THSD4: variants seen among roughly 807,000 people sequenced by gnomAD.
The protein encoded by THSD4 is thrombospondin type-1 domain-containing protein 4.
THSD4 carries 69 observed loss-of-function variants against 119.0 expected under a neutral mutation model. That is an observed-to-expected ratio of 0.58 (90% CI 0.48 to 0.71). The LOEUF (loss-of-function observed/expected upper bound fraction) is 0.71. THSD4 is among the 30% of genes least tolerant of loss of function. The pLI, the probability that THSD4 is intolerant of heterozygous loss-of-function variation, is 0.00. For synonymous variants in THSD4, 524 were observed against 540.4 expected, an observed-to-expected ratio of 0.97 and a Z score of 0.42; for missense variants, 1,393 against 1,391.1, an observed-to-expected ratio of 1.00 and a Z score of -0.02.
In THSD4 at chr15:71,215,394, C is replaced by G; in HGVS notation, c.459C>G (p.Asp153Glu). 1 of 1,528,634 alleles carries G rather than the reference C, an allele frequency of 6.5e-7. No individual in the cohort carries two copies. Among genetic ancestry groups the G allele is most frequent in the Non-Finnish European group, 8.7e-7 (1 of 1,143,366 alleles). The allele number at this position is 1,528,634 out of a possible 1,614,324, so 94.7% of individuals were successfully genotyped here. ...CCCAGGGCCTCGAAGTCACTGGGGACAGAAGGTACACGCCCGCCCTTGTCT... is the reference window on the plus strand; with the variant it reads ...CCCAGGGCCTCGAAGTCACTGGGGAGAGAAGGTACACGCCCGCCCTTGTCT... ...PQPQGLEVTG[D>E]RRSRTRGTIG... The change falls in exon 4 of 18, where the codon GAC (aspartate) becomes GAG (glutamate). Residue 153 changes from aspartate (D) to glutamate (E), a missense_variant. By Grantham distance (45) the Asp-to-Glu change is conservative. Transcript: ENST00000261862.
In THSD4 at chr15:71,737,852, A is replaced by G. The variant is rs768973944; in HGVS notation, c.1751A>G (p.Glu584Gly). ...RGEAPEMFTS[E>G]SAQTFPVRHP... is the part of the protein sequence containing the mutation. ...GAGGCCCCTGAGATGTTCACCTCAG[A>G]ATCGGCACAGACCTTCCCAGTCAGG... The change falls in exon 11 of 18, where the codon GAA (glutamate) becomes GGA (glycine). Residue 584 changes from glutamate (E) to glycine (G), a missense_variant. Transcript: ENST00000261862. The G allele has an allele frequency of 1.9e-6, 3 of 1,614,254 alleles. No individual in the cohort carries two copies. In the South Asian group the frequency reaches 3.3e-5, roughly 18 times the overall value.
chr15:71,715,028 G>C (rs2052580711), intron 8 of THSD4, among the ~76,000 whole-genome samples: 1 of 152,154 alleles, frequency 6.6e-6, no homozygotes, highest in Non-Finnish European at 1.5e-5. Context: ...AGAGACATAA[G>C]TGGGTCAGTC....
chr15:71,516,602 C>G (rs1179773386), intron 7 of THSD4, among the ~76,000 whole-genome samples: 1 of 152,122 alleles, frequency 6.6e-6, no homozygotes, highest in Non-Finnish European at 1.5e-5. Context: ...TTATTTTCAA[C>G]TTTTATTTTA....
At chr15:71,579,068 C>T (rs552337694) in intron 7 of THSD4, among the ~76,000 whole-genome samples, 2 of 152,082 alleles carry the variant, frequency 1.3e-5, no homozygotes, top group South Asian at 4.2e-4. Context: ...TAGTCTCGAT[C>T]TCCTGACCTC....
At chr15:71,339,501 C>T (rs1425842069) in intron 6 of THSD4, among the ~76,000 whole-genome samples, 2 of 152,072 alleles carry the variant, frequency 1.3e-5, no homozygotes, top group African/African-American at 2.4e-5. Context: ...AACAATATAA[C>T]CTCATTAAAA....
In THSD4 at chr15:71,216,442, C is replaced by T. The variant is rs141188434; in HGVS notation, c.464+1043C>T. Among the ~76,000 whole-genome samples, 9 of 152,336 alleles carry T rather than the reference C, an allele frequency of 5.9e-5. No homozygotes were observed. In the East Asian group the frequency reaches 1.2e-3, roughly 20 times the overall value. On this transcript the variant is annotated intron_variant, in intron 4 of 17. Transcript: ENST00000261862. ...AGTGATGGAAGCTGTCACTGCCAGC[C>T]GCCTGAAGGTGGAAAGGAGATGCGA...
chr15:71,199,748 G>GT (rs2043770549), intron 3 of THSD4, among the ~76,000 whole-genome samples: 2 of 121,504 alleles, frequency 1.6e-5, no homozygotes, highest in African/African-American at 7.5e-5. Flanking sequence ...AGTGTGTGTG[G>GT]GTGTGTGTGA....
At chr15:71,197,690 C>A (rs899306480) in intron 3 of THSD4, among the ~76,000 whole-genome samples, 3 of 152,066 alleles carry the variant, frequency 2.0e-5, no homozygotes, top group African/African-American at 7.2e-5. Context: ...TGTGGATTGG[C>A]CTTTGTTCTC....
intron 2 of THSD4, among the ~76,000 whole-genome samples, chr15:71,142,008 C>T (rs996030007): frequency 6.6e-5 from 10 of 152,048 alleles, no homozygotes; most frequent in African/African-American, 9.7e-5. Flanking sequence ...GAGGCTGAGG[C>T]GGGAGAATCA....
At chr15:71,474,225 TA>T (rs1036478376) in intron 7 of THSD4, among the ~76,000 whole-genome samples, 13 of 136,044 alleles carry the variant, frequency 9.6e-5, no homozygotes, top group Admixed American at 1.6e-4. Flanking sequence ...TATTTTATTT[TA>T]TTTTTTTTTT....
rs954232782 is a variant in THSD4, at chr15:71,469,413, A to G, written c.1152+57590A>G. Among the ~76,000 whole-genome samples, 6 of 152,288 alleles carry G rather than the reference A, an allele frequency of 3.9e-5. No individual in the cohort carries two copies. The South Asian group carries it at 1.2e-3, about 32-fold the overall frequency. The stretch of plus-strand genomic sequence containing the variant: ...CTCAGAATGCAGCTGCAGGTTCACA[A>G]GTCAGCAACCCATGGAGAACAGTGA... On this transcript the variant is annotated intron_variant, in intron 7 of 17. Coordinates refer to ENST00000261862, the MANE Select transcript of THSD4 (RefSeq NM_024817.3).
intron 3 of THSD4, chr15:71,185,743 C>T (rs891240466): frequency 2.6e-5 from 4 of 152,124 alleles, no homozygotes; most frequent in East Asian, 1.9e-4. Flanking sequence ...TGGATTTATT[C>T]GTTGATTCAG....
At chr15:71,614,399 A>T (rs1465966982) in intron 7 of THSD4, among the ~76,000 whole-genome samples, 1 of 152,108 alleles carries the variant, frequency 6.6e-6, no homozygotes, top group Non-Finnish European at 1.5e-5. Context: ...GACTGAGAGG[A>T]TGCTAAGTTT....
chr15:71,411,137 G>A (rs762483377), intron 6 of THSD4, among the ~76,000 whole-genome samples: 3 of 152,120 alleles, frequency 2.0e-5, no homozygotes, highest in Admixed American at 6.5e-5. Context: ...TTGCACCAAC[G>A]TAATTAATTA....
chr15:71,215,917 T>C (rs1347641100), intron 4 of THSD4, among the ~76,000 whole-genome samples: 1 of 152,234 alleles, frequency 6.6e-6, no homozygotes, highest in Non-Finnish European at 1.5e-5. Flanking sequence ...CCGAAGTTTT[T>C]TGAGTCAACA....
chr15:71,381,837 A>G (rs2046233081), intron 6 of THSD4, among the ~76,000 whole-genome samples: 1 of 152,190 alleles, frequency 6.6e-6, no homozygotes, highest in African/African-American at 2.4e-5. Flanking sequence ...TTTAAATGTT[A>G]AACATTATTT....
chr15:71,343,271 G>T (rs1391790744), intron 6 of THSD4, among the ~76,000 whole-genome samples: 3 of 152,178 alleles, frequency 2.0e-5, no homozygotes, highest in Non-Finnish European at 2.9e-5. Flanking sequence ...AGAGATAGAT[G>T]GATATGTTAG....
chr15:71,319,171 C>T (rs1271900111), intron 6 of THSD4, among the ~76,000 whole-genome samples: 1 of 152,076 alleles, frequency 6.6e-6, no homozygotes, highest in Non-Finnish European at 1.5e-5. Context: ...GACTGAGCAC[C>T]TTAGGACACT....
Position 71,248,521 on chromosome 15 carries a change from C to T in THSD4, c.912+5425C>T, listed in dbSNP as rs149232820. Among the ~76,000 whole-genome samples, 269 of 152,188 alleles carry T rather than the reference C, an allele frequency of 1.8e-3. 3 individuals are homozygous for T. Among genetic ancestry groups the T allele is most frequent in the Admixed American group, 0.013 (204 of 15,284 alleles). ...TAAGGGTCTTTGCTGCCAAAGGAGG[C>T]GTGATCCTGAGTTTAGACAGAGTGC... On this transcript the variant is annotated intron_variant, in intron 5 of 17. Coordinates refer to ENST00000261862, the MANE Select transcript of THSD4 (RefSeq NM_024817.3).
Sources: gnomAD v4.1 joint callset for allele counts (sites outside exome capture counted in the v4.1 genomes callset) on GRCh38, gnomAD v4.1.1 for gene constraint, MANE v1.5 for transcripts, NCBI Gene and HGNC (gene_info 2026-07-23, HGNC 2026-07-21) for gene names.